Variants in MAMDC2 observed in about 807,000 individuals in gnomAD.
MAMDC2 encodes the protein MAM domain-containing protein 2.
MAMDC2 carries 57 observed loss-of-function variants against 89.8 expected under a neutral mutation model. The observed-to-expected ratio is 0.63, with a 90% CI of 0.51 to 0.79. The LOEUF (loss-of-function observed/expected upper bound fraction) is 0.79, where lower values mean the gene tolerates loss of function less well. Ranked by LOEUF, MAMDC2 falls within the 30% of genes least tolerant of loss-of-function variation. The pLI, the probability that MAMDC2 is intolerant of heterozygous loss-of-function variation, is 0.00. For missense variants in MAMDC2, 800 were observed against 820.6 expected (o/e 0.97, Z 0.31); for synonymous variants, 313 against 293.4 (o/e 1.07, Z -0.68).
chr9:70,182,433 C>T (rs1430326855), intron 11 of MAMDC2, among the ~76,000 whole-genome samples: 1 of 152,102 alleles, frequency 6.6e-6, no homozygotes, highest in Non-Finnish European at 1.5e-5. Context: ...AGGAATGGTA[C>T]CAGCTCCTCT....
chr9:70,159,781 A>G (rs1007751228), intron 9 of MAMDC2, among the ~76,000 whole-genome samples: 4 of 152,244 alleles, frequency 2.6e-5, no homozygotes, highest in Admixed American at 1.3e-4. Context: ...ACATTTTATT[A>G]CATTACATTT....
chr9:70,121,696 A>G (rs1199372906), intron 5 of MAMDC2, among the ~76,000 whole-genome samples: 7 of 146,340 alleles, frequency 4.8e-5, no homozygotes, highest in African/African-American at 1.8e-4. Flanking sequence ...ATCCTACTTG[A>G]ATCTTAACGA....
At chr9:70,131,744 T>C in intron 7 of MAMDC2, 132 bp downstream of exon 7, 1 of 697,546 alleles carries the variant, frequency 1.4e-6, no homozygotes, top group Non-Finnish European at 2.4e-6. Flanking sequence ...AATTATTTAA[T>C]CAAAGGTCAT....
chr9:70,214,010 T>C (rs1467033553), intron 11 of MAMDC2, among the ~76,000 whole-genome samples: 1 of 152,120 alleles, frequency 6.6e-6, no homozygotes, highest in Non-Finnish European at 1.5e-5. Context: ...ATTCATCCAT[T>C]CAACAGATAT....
At chr9:70,221,380 T>TATATATATATATAGAGAGAGAGAG in intron 12 of MAMDC2, among the ~76,000 whole-genome samples, 3 of 7,040 alleles carry the variant, frequency 4.3e-4, no homozygotes, top group African/African-American at 8.7e-4. Context: ...TATATATATA[T>TATATATATATATAGAGAGAGAGAG]AGAGAGAGAG....
At chr9:70,190,759 A>G (rs943540) in intron 11 of MAMDC2, among the ~76,000 whole-genome samples, 126,372 of 152,070 alleles carry the variant, frequency 0.83, 52,668 homozygotes, top group Admixed American at 0.89. Context: ...CAATTAAACA[A>G]TTAACTGATT....
At chr9:70,194,531 A>C (rs2032941805) in intron 11 of MAMDC2, 1 of 152,110 alleles carries the variant, frequency 6.6e-6, no homozygotes, top group Admixed American at 6.6e-5. Context: ...TGGCACCTTG[A>C]TCTTGGACTT....
At chr9:70,189,251 T>G (rs988204985) in intron 11 of MAMDC2, among the ~76,000 whole-genome samples, 1 of 152,182 alleles carries the variant, frequency 6.6e-6, no homozygotes, top group Non-Finnish European at 1.5e-5. Context: ...GAATTTAGTT[T>G]TATTTATTTG....
intron 5 of MAMDC2, among the ~76,000 whole-genome samples, chr9:70,121,307 T>C (rs1359403405): frequency 1.3e-5 from 2 of 152,230 alleles, no homozygotes; most frequent in African/African-American, 4.8e-5. Flanking sequence ...CAGGAGCAAG[T>C]GTGCATACAC....
At chr9:70,075,798 C>T (rs1827516571) in intron 2 of MAMDC2, among the ~76,000 whole-genome samples, 1 of 152,176 alleles carries the variant, frequency 6.6e-6, no homozygotes, top group Non-Finnish European at 1.5e-5. Flanking sequence ...GTAAGCACCC[C>T]AAGTGTCTAG....
intron 2 of MAMDC2, chr9:70,083,524 A>G (rs1038496168): frequency 1.3e-5 from 2 of 152,046 alleles, no homozygotes; most frequent in African/African-American, 2.4e-5. Flanking sequence ...ACTTATGACA[A>G]TCTATTCTGT....
chr9:70,199,197 T>TCCCTCCCC (rs61219196), intron 11 of MAMDC2, among the ~76,000 whole-genome samples: 1 of 9,858 alleles, frequency 1.0e-4, no homozygotes, highest in African/African-American at 1.9e-4. Context: ...CCCAATGCTA[T>TCCCTCCCC]CCCTCCCCCC....
chr9:70,048,367 C>T (rs189816355), intron 2 of MAMDC2, among the ~76,000 whole-genome samples: 6 of 152,248 alleles, frequency 3.9e-5, no homozygotes, highest in East Asian at 1.9e-4. Context: ...CTTCGCCTCT[C>T]GGGTTCAAGT....
intron 2 of MAMDC2, among the ~76,000 whole-genome samples, chr9:70,051,072 A>G (rs767907642): frequency 6.6e-6 from 1 of 152,150 alleles, no homozygotes; most frequent in African/African-American, 2.4e-5. Flanking sequence ...ATGATCTCTC[A>G]TCTCCTAAGT....
intron 2 of MAMDC2, among the ~76,000 whole-genome samples, chr9:70,104,552 C>A (rs1233621647): frequency 1.3e-5 from 2 of 152,110 alleles, no homozygotes; most frequent in African/African-American, 4.8e-5. Flanking sequence ...AAATGTCCAT[C>A]AACTAATGAA....
intron 5 of MAMDC2, among the ~76,000 whole-genome samples, chr9:70,124,862 T>C (rs566088330): frequency 3.4e-4 from 52 of 152,196 alleles, no homozygotes; most frequent in African/African-American, 1.1e-3. Context: ...CATGCTACCA[T>C]GCCCAGCTAA....
rs565355045 is a variant in MAMDC2, at chr9:70,196,681, A to C, written c.1652-21656A>C. 1.9e-3 allele frequency among the ~76,000 whole-genome samples: 290 copies of C among 152,248 alleles called. 2 individuals carry two copies. The highest frequency in any genetic ancestry group is 6.8e-3 in the African/African-American group (281 of 41,558). ...AATTAGAAAGGATGCCATCTAAAGC[A>C]AATCTTCAAGTCTTCTGGAAGAAGA... On this transcript the variant is annotated intron_variant, in intron 11 of 13. Coordinates refer to ENST00000377182, the MANE Select transcript of MAMDC2 (RefSeq NM_153267.5).
intron 2 of MAMDC2, among the ~76,000 whole-genome samples, chr9:70,094,649 T>C (rs1827983496): frequency 6.6e-6 from 1 of 152,204 alleles, no homozygotes; most frequent in Non-Finnish European, 1.5e-5. Context: ...TAGCTTTATA[T>C]ATAAACATGA....
intron 6 of MAMDC2, among the ~76,000 whole-genome samples, chr9:70,130,007 T>A (rs1199244907): frequency 1.4e-5 from 1 of 72,126 alleles, no homozygotes; most frequent in East Asian, 4.2e-4. Context: ...CACATGGCAT[T>A]CTGTGTGTGT....
Sources: allele counts gnomAD v4.1 joint callset (sites outside exome capture counted in the v4.1 genomes callset), GRCh38; gene constraint gnomAD v4.1.1; transcripts MANE v1.5; gene names NCBI Gene and HGNC (gene_info 2026-07-23, HGNC 2026-07-21).